C13orf42: variants seen among roughly 807,000 people sequenced by gnomAD.
C13orf42 encodes chromosome 13 open reading frame 42, also known as uncharacterized protein C13orf42.
Position 51,160,279 on chromosome 13 carries a change from G to A in C13orf42, n.136+11974C>T, listed in dbSNP as rs537785631. Reference sequence around the variant, plus strand: ...TGGAATCCCAGCATTTTGGGAGGCCGAGGCAGGCAGATCACCTGAGGTCAG... The same window carrying A: ...TGGAATCCCAGCATTTTGGGAGGCCAAGGCAGGCAGATCACCTGAGGTCAG... On this transcript the variant is annotated intron_variant and non_coding_transcript_variant, in intron 1 of 4. Coordinates refer to the C13orf42 transcript ENST00000433280. Among the ~76,000 whole-genome samples the A allele has an allele frequency of 1.1e-4, 17 of 152,370 alleles. No individual in the cohort carries two copies. The East Asian group carries it at 2.5e-3, about 22-fold the overall frequency.
chr13:51,118,962 C>T (rs1006545240), intron 1 of C13orf42, among the ~76,000 whole-genome samples: 2 of 151,822 alleles, frequency 1.3e-5, no homozygotes, highest in Non-Finnish European at 2.9e-5. Flanking sequence ...ATGGTGTGCC[C>T]AGGCATACAG....
intron 1 of C13orf42, among the ~76,000 whole-genome samples, chr13:51,109,162 T>C (rs1953396971): frequency 6.6e-6 from 1 of 152,222 alleles, no homozygotes; most frequent in Admixed American, 6.5e-5. Context: ...GACCCTTTTT[T>C]ATGGGCCCCC....
chr13:51,119,035 C>G (rs2138011970), intron 1 of C13orf42, among the ~76,000 whole-genome samples: 3 of 142,136 alleles, frequency 2.1e-5, no homozygotes, highest in Non-Finnish European at 3.1e-5. Context: ...ATGCCCAGGT[C>G]TACAGTGTGC....
At chr13:51,137,573 G>C (rs1311793106) in intron 1 of C13orf42, among the ~76,000 whole-genome samples, 1 of 152,118 alleles carries the variant, frequency 6.6e-6, no homozygotes, top group African/African-American at 2.4e-5. Context: ...CCACTCTCTG[G>C]AGCCCCAGGA....
At chr13:51,084,917 G>T (rs1203400208) in intron 3 of C13orf42, among the ~76,000 whole-genome samples, 1 of 152,104 alleles carries the variant, frequency 6.6e-6, no homozygotes, top group African/African-American at 2.4e-5. Flanking sequence ...TTTTAGAGAG[G>T]GGCATCTGAT....
At chr13:51,150,053 C>T (rs911552585) in intron 1 of C13orf42, among the ~76,000 whole-genome samples, 6 of 152,096 alleles carry the variant, frequency 3.9e-5, no homozygotes, top group South Asian at 4.1e-4. Flanking sequence ...TAGAATTTTC[C>T]GTAGATATAA....
chr13:51,169,201 G>C (rs969925873), intron 1 of C13orf42, among the ~76,000 whole-genome samples: 3 of 152,208 alleles, frequency 2.0e-5, no homozygotes, highest in Non-Finnish European at 4.4e-5. Context: ...ATGAGGGAAA[G>C]TTTGGAACTT....
At chr13:51,136,500 C>T (rs547594076) in intron 1 of C13orf42, among the ~76,000 whole-genome samples, 23 of 152,204 alleles carry the variant, frequency 1.5e-4, no homozygotes, top group Admixed American at 1.0e-3. Flanking sequence ...CGTCTAAGTG[C>T]TATCAAAAAA....
chr13:51,136,401 A>G (rs531824018), intron 1 of C13orf42, among the ~76,000 whole-genome samples: 37 of 152,332 alleles, frequency 2.4e-4, no homozygotes, highest in African/African-American at 8.4e-4. Context: ...GTCTTTGTCA[A>G]GACAGAACCG....
chr13:51,087,223 C>A (rs1281068566), intron 2 of C13orf42, among the ~76,000 whole-genome samples: 1 of 152,160 alleles, frequency 6.6e-6, no homozygotes, highest in Non-Finnish European at 1.5e-5. Flanking sequence ...CCCAAGGACA[C>A]GCCTTGGTGA....
At position 51,158,587 on chromosome 13, in the gene C13orf42, T is replaced by C. The variant is rs114602045; in HGVS notation, n.136+13666A>G. 3.7e-3 allele frequency among the ~76,000 whole-genome samples: 568 copies of C among 152,282 alleles called. 1 individual carries two copies. Among genetic ancestry groups the C allele is most frequent in the African/African-American group, 0.013 (530 of 41,562 alleles). On this transcript the variant is annotated intron_variant and non_coding_transcript_variant, in intron 1 of 4. Transcript: ENST00000433280. ...TGGCCATGGGGAGCCTGTACCTCTC[T>C]GTCTGTCACCTTGCACTTTGTAGGC... is the stretch of plus-strand genomic sequence containing the variant.
At chr13:51,094,740 C>T (rs1953215442) in intron 1 of C13orf42, among the ~76,000 whole-genome samples, 1 of 152,120 alleles carries the variant, frequency 6.6e-6, no homozygotes, top group Non-Finnish European at 1.5e-5. Flanking sequence ...AAGATATTTC[C>T]ACTGAGTATA....
chr13:51,136,534 C>T (rs186514053), intron 1 of C13orf42, among the ~76,000 whole-genome samples: 1 of 152,322 alleles, frequency 6.6e-6, no homozygotes, highest in Non-Finnish European at 1.5e-5. Context: ...AGTGCAGCCC[C>T]CATGGGAGGG....
At chr13:51,160,963 GA>G (rs78703300) in intron 1 of C13orf42, among the ~76,000 whole-genome samples, 29,760 of 105,052 alleles carry the variant, frequency 0.28, 3,669 homozygotes, top group Middle Eastern at 0.39. Flanking sequence ...TTGGAAACAA[GA>G]AAAAAAAAAA....
intron 1 of C13orf42, among the ~76,000 whole-genome samples, chr13:51,109,165 G>C (rs529491705): frequency 6.6e-6 from 1 of 152,234 alleles, no homozygotes; most frequent in South Asian, 2.1e-4. Context: ...CCTTTTTTAT[G>C]GGCCCCCAAC....
chr13:51,142,714 C>A (rs1454400981), intron 1 of C13orf42, among the ~76,000 whole-genome samples: 2 of 148,844 alleles, frequency 1.3e-5, no homozygotes, highest in African/African-American at 2.5e-5. Flanking sequence ...GTAAAAGGAA[C>A]CAGGAACTAA....
intron 1 of C13orf42, among the ~76,000 whole-genome samples, chr13:51,094,269 G>T (rs925137974): frequency 6.6e-6 from 1 of 152,184 alleles, no homozygotes; most frequent in South Asian, 2.1e-4. Flanking sequence ...TACATGTTAC[G>T]GATTTTATTG....
At chr13:51,108,156 C>T (rs776728198) in intron 1 of C13orf42, among the ~76,000 whole-genome samples, 2 of 152,132 alleles carry the variant, frequency 1.3e-5, no homozygotes, top group African/African-American at 2.4e-5. Flanking sequence ...ATGAAAACAC[C>T]AGTCCTATGG....
In C13orf42 at chr13:51,171,589, T is replaced by G. The variant is rs529268998; in HGVS notation, n.136+664A>C. 1.2e-3 allele frequency among the ~76,000 whole-genome samples: 182 copies of G among 152,248 alleles called. 1 individual carries two copies. Among genetic ancestry groups the G allele is most frequent in the African/African-American group, 4.0e-3 (167 of 41,514 alleles). ...GCTAGGTCCCAATTCTTCCTCAGCC[T>G]CTGCTCCTCCACCCTATAATCTTTT... On this transcript the variant is annotated intron_variant and non_coding_transcript_variant, in intron 1 of 4. Coordinates refer to the C13orf42 transcript ENST00000433280.
Sources: allele counts gnomAD v4.1 joint callset (sites outside exome capture counted in the v4.1 genomes callset), GRCh38; gene constraint gnomAD v4.1.1; transcripts MANE v1.5; gene names NCBI Gene and HGNC (gene_info 2026-07-23, HGNC 2026-07-21).